Variants in PRLR observed in about 807,000 individuals in gnomAD.
The protein encoded by PRLR is hPRL receptor.
In PRLR, 13 loss-of-function variants were observed where a neutral mutation model predicts 40.2. The ratio of observed to expected loss-of-function variants is 0.32; its 90% confidence interval spans 0.21 to 0.51. PRLR has a LOEUF of 0.51. PRLR is among the 20% of genes least tolerant of loss of function. The pLI is 0.97. For missense variants in PRLR, 656 were observed against 747.3 expected, an observed-to-expected ratio of 0.88 and a Z score of 1.42; for synonymous variants, 269 against 278.7, an observed-to-expected ratio of 0.97 and a Z score of 0.35.
At chr5:35,133,046 G>A (rs960015502) in intron 1 of PRLR, among the ~76,000 whole-genome samples, 3 of 152,106 alleles carry the variant, frequency 2.0e-5, no homozygotes, top group African/African-American at 7.2e-5. Context: ...TTCCTTCCTT[G>A]AGCTGGGACA....
chr5:35,199,613 C>T (rs1013389317), intron 1 of PRLR, among the ~76,000 whole-genome samples: 1 of 152,012 alleles, frequency 6.6e-6, no homozygotes, highest in Non-Finnish European at 1.5e-5. Context: ...AAATATATTT[C>T]CCCCTTAAGT....
At chr5:35,224,442 C>T (rs758660539) in intron 1 of PRLR, among the ~76,000 whole-genome samples, 23 of 152,220 alleles carry the variant, frequency 1.5e-4, no homozygotes, top group Admixed American at 6.5e-4. Context: ...GTGACAGATA[C>T]ACTAAGATTC....
intron 1 of PRLR, among the ~76,000 whole-genome samples, chr5:35,160,472 G>C (rs545272624): frequency 1.3e-5 from 2 of 152,284 alleles, no homozygotes; most frequent in South Asian, 4.1e-4. Flanking sequence ...AACTTTGGAA[G>C]ACTTTTAGGT....
At chr5:35,196,636 C>G (rs1579791447) in intron 1 of PRLR, among the ~76,000 whole-genome samples, 1 of 152,206 alleles carries the variant, frequency 6.6e-6, no homozygotes, top group East Asian at 1.9e-4. Context: ...AATCCCCCTC[C>G]TCTGTCTCCC....
chr5:35,184,339 C>T (rs1474312805), intron 1 of PRLR, among the ~76,000 whole-genome samples: 1 of 152,020 alleles, frequency 6.6e-6, no homozygotes, highest in Non-Finnish European at 1.5e-5. Flanking sequence ...CACGGTGAAA[C>T]CCCATTTCTA....
chr5:35,173,326 G>T (rs1306866558), intron 1 of PRLR, among the ~76,000 whole-genome samples: 20 of 152,190 alleles, frequency 1.3e-4, no homozygotes, highest in Admixed American at 1.3e-3. Flanking sequence ...TGGTAGAATG[G>T]CAGGTGGAGA....
At chr5:35,133,630 C>T (rs1773756708) in intron 1 of PRLR, among the ~76,000 whole-genome samples, 1 of 152,224 alleles carries the variant, frequency 6.6e-6, no homozygotes, top group African/African-American at 2.4e-5. Context: ...TTCCTTCTAA[C>T]CTGTCATAGT....
chr5:35,192,174 T>C (rs1390539893), intron 1 of PRLR, among the ~76,000 whole-genome samples: 4 of 152,164 alleles, frequency 2.6e-5, no homozygotes, highest in Admixed American at 2.0e-4. Flanking sequence ...CAAGACCTAC[T>C]CTGTTACATA....
At chr5:35,075,563 C>G (rs923935488) in intron 5 of PRLR, among the ~76,000 whole-genome samples, 1 of 152,192 alleles carries the variant, frequency 6.6e-6, no homozygotes, top group Non-Finnish European at 1.5e-5. Context: ...GTGGAGCCCA[C>G]CCCAGCTCAA....
At chr5:35,054,668 T>A (rs2112328941), downstream of PRLR, among the ~76,000 whole-genome samples, 1 of 152,270 alleles carries the variant, frequency 6.6e-6, no homozygotes, top group South Asian at 2.1e-4. Flanking sequence ...TGTTGATGAA[T>A]AGGGAGTTTA....
At chr5:35,199,317 C>A (rs781320886) in intron 1 of PRLR, among the ~76,000 whole-genome samples, 1 of 152,090 alleles carries the variant, frequency 6.6e-6, no homozygotes, top group African/African-American at 2.4e-5. Flanking sequence ...TTAAGATATT[C>A]CAGATGTGGA....
intron 1 of PRLR, among the ~76,000 whole-genome samples, chr5:35,157,722 A>G (rs1374341890): frequency 6.6e-6 from 1 of 152,252 alleles, no homozygotes; most frequent in African/African-American, 2.4e-5. Context: ...AGGCAAGGGA[A>G]AAAACAAATA....
At chr5:35,049,747 C>T (rs1287653533) in intron 8 of PRLR, among the ~76,000 whole-genome samples, 1 of 152,050 alleles carries the variant, frequency 6.6e-6, no homozygotes, top group African/African-American at 2.4e-5. Flanking sequence ...CATCCTAGGA[C>T]AGAGAATTTT....
chr5:35,065,226 C>G lies in PRLR; in HGVS notation c.1732G>C (p.Glu578Gln), dbSNP rs146459777. 9.4e-4 allele frequency: 1,512 copies of G among 1,614,140 alleles called. 5 individuals are homozygous for G. The highest frequency in any genetic ancestry group is 6.3e-3 in the Middle Eastern group (38 of 6,058). The change falls in exon 10 of 10, where the codon GAG (glutamate) becomes CAG (glutamine). Residue 578 changes from glutamate to glutamine, a missense_variant. By Grantham distance (29) the Glu-to-Gln change is conservative (BLOSUM62 2). Coordinates refer to ENST00000618457, the MANE Select transcript of PRLR (RefSeq NM_000949.7). ...NVACFEESAK[E>Q]APPSLEQNQA... is the part of the protein sequence containing the mutation. ...TTCTGTTCAAGTGATGGTGGGGCCTCTTTGGCTGATTCTTCAAAGCAAGCC... is the reference window on the plus strand; with the variant it reads ...TTCTGTTCAAGTGATGGTGGGGCCTGTTTGGCTGATTCTTCAAAGCAAGCC...
chr5:35,094,126 A>G (rs1046629741), intron 2 of PRLR, among the ~76,000 whole-genome samples: 7 of 152,232 alleles, frequency 4.6e-5, no homozygotes, highest in Admixed American at 1.3e-4. Context: ...TCAGGTCAAG[A>G]GATTAACCAC....
chr5:35,119,069 A>G (rs905918458), intron 1 of PRLR, among the ~76,000 whole-genome samples: 91 of 152,318 alleles, frequency 6.0e-4, no homozygotes, highest in African/African-American at 2.1e-3. Flanking sequence ...TGCTGGGATT[A>G]TAGGTGTGAA....
chr5:35,137,610 A>G (rs1773898383), intron 1 of PRLR, among the ~76,000 whole-genome samples: 1 of 152,224 alleles, frequency 6.6e-6, no homozygotes, highest in African/African-American at 2.4e-5. Flanking sequence ...TCATCTACAC[A>G]TTTGAGTGCA....
At chr5:35,214,368 A>G (rs1776236902) in intron 1 of PRLR, among the ~76,000 whole-genome samples, 1 of 152,146 alleles carries the variant, frequency 6.6e-6, no homozygotes, top group Admixed American at 6.5e-5. Flanking sequence ...TCAACAAACT[A>G]TTTGTCATCA....
At chr5:35,179,567 A>G (rs1230142223) in intron 1 of PRLR, among the ~76,000 whole-genome samples, 1 of 152,210 alleles carries the variant, frequency 6.6e-6, no homozygotes, top group Non-Finnish European at 1.5e-5. Context: ...TGGGTCACAC[A>G]GTGACTTGAT....
Sources: allele counts gnomAD v4.1 joint callset (sites outside exome capture counted in the v4.1 genomes callset), GRCh38; gene constraint gnomAD v4.1.1; transcripts MANE v1.5; gene names NCBI Gene and HGNC (gene_info 2026-07-23, HGNC 2026-07-21).